EIF4G3: variants seen among roughly 807,000 people sequenced by gnomAD.
EIF4G3 encodes the protein eIF-4-gamma 3.
In EIF4G3, 34 loss-of-function variants were observed where a neutral mutation model predicts 186.4. That is an observed-to-expected ratio of 0.18 (90% CI 0.14 to 0.24). EIF4G3 has a LOEUF of 0.24. EIF4G3 is among the 10% of genes least tolerant of loss of function. The pLI is 1.00. For missense variants in EIF4G3, 1,536 were observed against 1,948.5 expected (o/e 0.79, Z 3.99); for synonymous variants, 673 against 679.5 (o/e 0.99, Z 0.15).
chr1:20,963,938 A>AC (rs973365643), intron 12 of EIF4G3, among the ~76,000 whole-genome samples: 48 of 152,062 alleles, frequency 3.2e-4, no homozygotes, highest in Admixed American at 1.4e-3. Context: ...TCTCAAAAAA[A>AC]AAAAAAAAAA....
intron 4 of EIF4G3, among the ~76,000 whole-genome samples, chr1:21,047,486 C>CT (rs752558168): frequency 2.6e-5 from 4 of 152,178 alleles, no homozygotes; most frequent in Non-Finnish European, 4.4e-5. Flanking sequence ...CTCAGAGGAA[C>CT]TTTGTCTAAG....
intron 3 of EIF4G3, among the ~76,000 whole-genome samples, chr1:21,080,743 C>CAA (rs2095751335): frequency 6.6e-6 from 1 of 152,078 alleles, no homozygotes; most frequent in Non-Finnish European, 1.5e-5. Context: ...CTCCTGACTT[C>CAA]GTGATCTGCC....
In EIF4G3 at chr1:20,978,594, G is replaced by A. The variant is rs59503199; in HGVS notation, c.493+1740C>T. Among the ~76,000 whole-genome samples, 672 of 150,980 alleles carry A rather than the reference G, an allele frequency of 4.5e-3. 4 individuals carry two copies. The highest frequency in any genetic ancestry group is 0.015 in the African/African-American group (627 of 40,996). On this transcript the variant is annotated intron_variant, in intron 10 of 36. Transcript: ENST00000602326. Reference sequence around the variant, plus strand: ...CACTGTCCTGCTTCATGTCACCAGGGATGTGAATCATCCCTTTATCCAGTG... The same window carrying A: ...CACTGTCCTGCTTCATGTCACCAGGAATGTGAATCATCCCTTTATCCAGTG...
intron 8 of EIF4G3, among the ~76,000 whole-genome samples, chr1:20,981,968 A>T (rs1252799193): frequency 6.6e-6 from 1 of 152,186 alleles, no homozygotes; most frequent in Non-Finnish European, 1.5e-5. Flanking sequence ...CTGTTCAAGT[A>T]ATTTATAAAA....
At chr1:20,911,992 G>A (rs1486681667) in intron 14 of EIF4G3, among the ~76,000 whole-genome samples, 4 of 152,108 alleles carry the variant, frequency 2.6e-5, no homozygotes. Flanking sequence ...GTGAGGCTCT[G>A]TCTCTAAAAA....
intron 2 of EIF4G3, 189 bp downstream of exon 2, chr1:21,175,986 G>C (rs1172121376): frequency 1.9e-5 from 5 of 260,288 alleles, no homozygotes; most frequent in Non-Finnish European, 3.6e-5. Context: ...CAGAGGGTCT[G>C]GGGGTCCCCC....
intron 19 of EIF4G3, among the ~76,000 whole-genome samples, chr1:20,883,400 C>T (rs1022152249): frequency 6.6e-6 from 1 of 151,916 alleles, no homozygotes; most frequent in African/African-American, 2.4e-5. Flanking sequence ...GGGCAGATCA[C>T]GAGTTCAGGA....
At chr1:21,028,061 T>C (rs967143293) in intron 4 of EIF4G3, among the ~76,000 whole-genome samples, 3 of 152,218 alleles carry the variant, frequency 2.0e-5, no homozygotes, top group South Asian at 4.1e-4. Flanking sequence ...ATAACAGTTA[T>C]ATGATGTAGT....
chr1:21,090,508 T>C (rs1027757709), intron 2 of EIF4G3, among the ~76,000 whole-genome samples: 1 of 152,240 alleles, frequency 6.6e-6, no homozygotes, highest in Admixed American at 6.5e-5. Flanking sequence ...CAAATGTTTA[T>C]GAAACTTCAT....
At chr1:20,941,442 C>T in intron 14 of EIF4G3, 49 bp downstream of exon 14, 1 of 1,608,062 alleles carries the variant, frequency 6.2e-7, no homozygotes, top group Non-Finnish European at 8.5e-7. Context: ...TCAAACACTG[C>T]CTCTTCTTCA....
intron 12 of EIF4G3, among the ~76,000 whole-genome samples, chr1:20,951,800 AAAG>A (rs1426145847): frequency 6.6e-6 from 1 of 152,192 alleles, no homozygotes; most frequent in Non-Finnish European, 1.5e-5. Flanking sequence ...AATGACATTC[AAAG>A]AAAAAGTAAG....
intron 29 of EIF4G3, among the ~76,000 whole-genome samples, chr1:20,844,623 G>A (rs2070053273): frequency 6.6e-6 from 1 of 152,098 alleles, no homozygotes; most frequent in South Asian, 2.1e-4. Context: ...CTGAGGTTAG[G>A]AGTTTGAGAT....
intron 20 of EIF4G3, among the ~76,000 whole-genome samples, chr1:20,869,626 T>C (rs1208394893): frequency 6.6e-6 from 1 of 151,714 alleles, no homozygotes; most frequent in Non-Finnish European, 1.5e-5. Context: ...ATACAAAAAA[T>C]TAGCTGGGCG....
intron 4 of EIF4G3, among the ~76,000 whole-genome samples, chr1:21,040,976 T>A (rs11588986): frequency 0.024 from 3,691 of 152,190 alleles, 78 homozygotes; most frequent in Middle Eastern, 0.048. Flanking sequence ...CACTTTCCCT[T>A]TTTTTGGTCT....
chr1:20,814,289 T>C (rs567847622), intron 34 of EIF4G3, among the ~76,000 whole-genome samples: 1 of 152,150 alleles, frequency 6.6e-6, no homozygotes, highest in African/African-American at 2.4e-5. Flanking sequence ...TTTTTGCACA[T>C]TCTTGCTAAA....
intron 19 of EIF4G3, among the ~76,000 whole-genome samples, chr1:20,880,226 C>T (rs1039779714): frequency 2.6e-5 from 4 of 151,952 alleles, no homozygotes; most frequent in African/African-American, 7.3e-5. Flanking sequence ...ATAAAAGGTA[C>T]GTAGATTGTA....
At chr1:20,983,570 G>A (rs1463748361) in intron 7 of EIF4G3, among the ~76,000 whole-genome samples, 1 of 152,156 alleles carries the variant, frequency 6.6e-6, no homozygotes, top group Non-Finnish European at 1.5e-5. Flanking sequence ...TTTTTATAAT[G>A]TAGTTAATAT....
chr1:20,997,497 T>A, intron 7 of EIF4G3, 104 bp downstream of exon 7: 1 of 1,095,732 alleles, frequency 9.1e-7, no homozygotes, highest in Non-Finnish European at 1.4e-6. Context: ...TTGAAATGAG[T>A]AATTTGAGTA....
At chr1:20,813,670 C>A (rs2059731734) in intron 34 of EIF4G3, among the ~76,000 whole-genome samples, 1 of 151,712 alleles carries the variant, frequency 6.6e-6, no homozygotes, top group South Asian at 2.1e-4. Flanking sequence ...AGTTCGAGAC[C>A]AATCTGGCCA....
Sources: allele counts gnomAD v4.1 joint callset (sites outside exome capture counted in the v4.1 genomes callset), GRCh38; gene constraint gnomAD v4.1.1; transcripts MANE v1.5; gene names NCBI Gene and HGNC (gene_info 2026-07-23, HGNC 2026-07-21).